Variants in MBD5 observed in about 807,000 individuals in gnomAD.
MBD5 encodes methyl-CpG-binding domain protein 5.
MBD5 carries 13 observed loss-of-function variants against 117.3 expected under a neutral mutation model. The observed-to-expected ratio is 0.11, with a 90% CI of 0.07 to 0.18. The LOEUF (loss-of-function observed/expected upper bound fraction) is 0.18, where lower values mean the gene tolerates loss of function less well. Among genes scored for constraint, MBD5 ranks in the 10% least tolerant of loss-of-function variants. The pLI is 1.00. For synonymous variants in MBD5, 727 were observed against 766.4 expected, an observed-to-expected ratio of 0.95 and a Z score of 0.85; for missense variants, 1,879 against 2,093.8, an observed-to-expected ratio of 0.90 and a Z score of 2.00.
chr2:148,453,719 AATATT>A (rs1447621773), intron 4 of MBD5, among the ~76,000 whole-genome samples: 1 of 151,874 alleles, frequency 6.6e-6, no homozygotes, highest in African/African-American at 2.4e-5. Context: ...TAGTTTTTAT[AATATT>A]ATAATTATAA....
intron 2 of MBD5, among the ~76,000 whole-genome samples, chr2:148,228,650 T>A (rs1442146457): frequency 6.6e-6 from 1 of 152,188 alleles, no homozygotes; most frequent in East Asian, 1.9e-4. Context: ...GATTCCCTCT[T>A]TTTCTGTTGA....
intron 1 of MBD5, among the ~76,000 whole-genome samples, chr2:148,097,417 A>T (rs1219659203): frequency 6.6e-6 from 1 of 152,204 alleles, no homozygotes; most frequent in East Asian, 1.9e-4. Flanking sequence ...CTAAGTAATA[A>T]AGAAGTCCTG....
chr2:148,443,097 C>T (rs1706377366), intron 4 of MBD5, among the ~76,000 whole-genome samples: 1 of 151,366 alleles, frequency 6.6e-6, no homozygotes, highest in Non-Finnish European at 1.5e-5. Flanking sequence ...TCTGAACAGA[C>T]ATTTCTCAGA....
intron 1 of MBD5, among the ~76,000 whole-genome samples, chr2:148,148,895 C>T (rs1308790663): frequency 1.3e-5 from 2 of 151,966 alleles, no homozygotes; most frequent in East Asian, 3.9e-4. Flanking sequence ...TACAGTTCTT[C>T]ACTGAATCAT....
chr2:148,065,242 G>C (rs1695155289), intron 1 of MBD5, among the ~76,000 whole-genome samples: 1 of 152,164 alleles, frequency 6.6e-6, no homozygotes, highest in East Asian at 1.9e-4. Context: ...GAGGGACCTA[G>C]CAGATCTTTT....
At chr2:148,188,388 T>C (rs1698721516) in intron 2 of MBD5, among the ~76,000 whole-genome samples, 1 of 152,064 alleles carries the variant, frequency 6.6e-6, no homozygotes, top group Non-Finnish European at 1.5e-5. Context: ...GGAGATAAAG[T>C]AGAATACTAG....
At chr2:148,027,774 A>T (rs1217537956) in intron 1 of MBD5, 2 of 152,166 alleles carry the variant, frequency 1.3e-5, no homozygotes, top group Non-Finnish European at 2.9e-5. Flanking sequence ...GTACATAATG[A>T]CCTGCAGAGT....
chr2:148,486,044 G>T, intron 10 of MBD5, 94 bp downstream of exon 10: 1 of 1,166,180 alleles, frequency 8.6e-7, no homozygotes, highest in South Asian at 1.2e-5. Flanking sequence ...AGTAGGTTAC[G>T]TGCCCTTTCA....
chr2:148,159,602 A>G (rs1697957998), intron 1 of MBD5, among the ~76,000 whole-genome samples: 1 of 152,090 alleles, frequency 6.6e-6, no homozygotes, highest in East Asian at 1.9e-4. Flanking sequence ...ATATTTCTCA[A>G]TTAGAAGTAT....
In MBD5 at chr2:148,513,070, G is replaced by A. The variant is rs1682266117; in HGVS notation, c.*129G>A. 2 of 948,006 alleles carry A rather than the reference G, an allele frequency of 2.1e-6. No individual in the cohort carries two copies. Among genetic ancestry groups the A allele is most frequent in the Non-Finnish European group, 3.3e-6 (2 of 613,136 alleles). 58.7% of individuals were successfully genotyped at this position (948,006 alleles called of 1,614,324 possible). On this transcript the variant is annotated 3_prime_UTR_variant, in exon 14 of 14. Coordinates refer to ENST00000642680, the MANE Select transcript of MBD5 (RefSeq NM_001378120.1). ...TGGCAGATAGCTACCACCACCACAG[G>A]GTGCTAAAAGAAACAGTGATACAAA... is the stretch of plus-strand genomic sequence containing the variant.
intron 1 of MBD5, among the ~76,000 whole-genome samples, chr2:148,161,663 A>T (rs2105748219): frequency 6.6e-6 from 1 of 152,192 alleles, no homozygotes. Flanking sequence ...GTTCTGGTGG[A>T]TGTTTGTTCT....
At chr2:148,325,279 T>C (rs1446738495) in intron 3 of MBD5, among the ~76,000 whole-genome samples, 2 of 152,186 alleles carry the variant, frequency 1.3e-5, no homozygotes, top group Non-Finnish European at 2.9e-5. Flanking sequence ...TCATCAAAGA[T>C]ATTGGTCTAA....
chr2:148,042,568 A>C (rs1333257906), intron 1 of MBD5, among the ~76,000 whole-genome samples: 1 of 152,134 alleles, frequency 6.6e-6, no homozygotes, highest in Admixed American at 6.6e-5. Context: ...TTACTCTAAA[A>C]CACAGCTTTA....
At chr2:148,295,071 G>T (rs1169706860) in intron 3 of MBD5, among the ~76,000 whole-genome samples, 1 of 152,032 alleles carries the variant, frequency 6.6e-6, no homozygotes, top group East Asian at 1.9e-4. Flanking sequence ...TTCTTCAGTA[G>T]GTCAGTTAGT....
intron 3 of MBD5, among the ~76,000 whole-genome samples, chr2:148,258,163 G>A (rs1484361891): frequency 6.6e-6 from 1 of 152,136 alleles, no homozygotes; most frequent in Non-Finnish European, 1.5e-5. Context: ...GTATGTCCGT[G>A]CAGCACCAGC....
chr2:148,294,517 T>TTTTTTTG (rs1355491344), intron 3 of MBD5, among the ~76,000 whole-genome samples: 1 of 145,542 alleles, frequency 6.9e-6, no homozygotes, highest in African/African-American at 2.6e-5. Flanking sequence ...TTTTTTTTTT[T>TTTTTTTG]TTTTGAGATA....
rs570218743 is a variant in MBD5, at chr2:148,120,215, A to C, written c.-924-58485A>C. On this transcript the variant is annotated intron_variant, in intron 1 of 13. Coordinates refer to ENST00000642680, the MANE Select transcript of MBD5 (RefSeq NM_001378120.1). ...AGTACTCCGCACCTGGAGTGTATAC[A>C]TTTTGAATTGTAAAGTGTGAGTTTT... 9.9e-5 allele frequency among the ~76,000 whole-genome samples: 15 copies of C among 152,156 alleles called. 1 individual carries two copies. In the South Asian group the frequency reaches 2.5e-3, roughly 25 times the overall value.
At chr2:148,402,529 C>G (rs1202080715) in intron 4 of MBD5, among the ~76,000 whole-genome samples, 1 of 152,132 alleles carries the variant, frequency 6.6e-6, no homozygotes, top group Non-Finnish European at 1.5e-5. Flanking sequence ...CTACTTCTCC[C>G]CATCTTCCAT....
intron 2 of MBD5, among the ~76,000 whole-genome samples, chr2:148,212,860 A>G (rs371321185): frequency 6.6e-6 from 1 of 152,162 alleles, no homozygotes; most frequent in African/African-American, 2.4e-5. Flanking sequence ...ATTGACAACA[A>G]TTTTAATTCT....
Sources: gnomAD v4.1 joint callset for allele counts (sites outside exome capture counted in the v4.1 genomes callset) on GRCh38, gnomAD v4.1.1 for gene constraint, MANE v1.5 for transcripts, NCBI Gene and HGNC (gene_info 2026-07-23, HGNC 2026-07-21) for gene names.